The following FZD3 variants were observed in gnomAD, a reference collection of about 807,000 sequenced individuals.
The protein encoded by FZD3 is frizzled-3.
FZD3 carries 30 observed loss-of-function variants against 60.7 expected under a neutral mutation model. That is an observed-to-expected ratio of 0.49 (90% CI 0.37 to 0.67). FZD3 has a LOEUF of 0.67. Ranked by LOEUF, FZD3 falls within the 30% of genes least tolerant of loss-of-function variation. FZD3 has a pLI of 0.00. For missense variants in FZD3, 605 were observed against 838.7 expected (o/e 0.72, Z 3.44); for synonymous variants, 246 against 275.2 (o/e 0.89, Z 1.05).
chr8:28,558,651 C>T (rs969066918), intron 7 of FZD3, among the ~76,000 whole-genome samples: 4 of 152,030 alleles, frequency 2.6e-5, no homozygotes, highest in Non-Finnish European at 4.4e-5. Context: ...AAGCTGGTCT[C>T]GAACTCCTGG....
chr8:28,514,653 G>A (rs771859093), intron 3 of FZD3, among the ~76,000 whole-genome samples: 12 of 152,050 alleles, frequency 7.9e-5, no homozygotes, highest in Non-Finnish European at 1.3e-4. Flanking sequence ...ACTTCTTTAG[G>A]TCTGGTTTCT....
chr8:28,551,230 A>T (rs1805404594), intron 5 of FZD3, among the ~76,000 whole-genome samples: 1 of 152,206 alleles, frequency 6.6e-6, no homozygotes, highest in Non-Finnish European at 1.5e-5. Context: ...ATTTTACTCT[A>T]TTTTATTTAA....
rs576072524 is a variant in FZD3 at position 28,523,383 on chromosome 8, G to A, written c.386+2549G>A. On this transcript the variant is annotated intron_variant, in intron 4 of 7. Coordinates refer to ENST00000240093, the MANE Select transcript of FZD3 (RefSeq NM_017412.4). ...GCAAGAGGGGCAAGCTCACTCTGCA[G>A]CCTCTTTTATAGGGACATTAATCCT... Among the ~76,000 whole-genome samples the A allele has an allele frequency of 4.7e-4, 71 of 152,186 alleles. 1 individual carries two copies. Among genetic ancestry groups the A allele is most frequent in the African/African-American group, 1.4e-3 (59 of 41,532 alleles).
chr8:28,540,160 A>G (rs1042549149), intron 5 of FZD3, among the ~76,000 whole-genome samples: 1 of 152,224 alleles, frequency 6.6e-6, no homozygotes, highest in African/African-American at 2.4e-5. Flanking sequence ...CCCAGGGCTT[A>G]CAGCAAGTAG....
In FZD3 at chr8:28,503,072, T is replaced by C. The variant is rs1297459557; in HGVS notation, c.59T>C (p.Ile20Thr). ...CCCTTGACTGTGTTCATGGGGCATA[T>C]AGGTGGGCACAGTTTGTTTTCTTGT... ...LWPLTVFMGHIGGHSLFSCEP... is the reference protein window; with the variant it reads ...LWPLTVFMGHTGGHSLFSCEP... The change falls in exon 3 of 8, where the codon ATA (isoleucine) becomes ACA (threonine). Residue 20 changes from isoleucine to threonine, a missense_variant. By Grantham distance (89) the Ile-to-Thr change is moderately conservative. Coordinates refer to ENST00000240093, the MANE Select transcript of FZD3 (RefSeq NM_017412.4). 1 of 1,613,762 alleles carries C rather than the reference T, an allele frequency of 6.2e-7. No individual in the cohort carries two copies. The highest frequency in any genetic ancestry group is 1.1e-5 in the South Asian group (1 of 91,076).
chr8:28,550,014 C>T (rs1467173829), intron 5 of FZD3, among the ~76,000 whole-genome samples: 1 of 152,040 alleles, frequency 6.6e-6, no homozygotes, highest in Admixed American at 6.5e-5. Context: ...TTGTTAAGTA[C>T]AATTTTATGC....
rs760868716 is a variant in FZD3, at chr8:28,563,097, A to G, written c.*86A>G. 3.5e-6 allele frequency: 3 copies of G among 849,926 alleles called. No homozygotes were observed. The highest frequency in any genetic ancestry group is 4.0e-6 in the Non-Finnish European group (2 of 493,874). The allele number at this position is 849,926 out of a possible 1,614,324, so 52.6% of individuals were successfully genotyped here. ...TTTGCATGACTGATAGCTGTAACTC[A>G]CAGTTAACATGCTTTCAGTCAAGTA... is the stretch of plus-strand genomic sequence containing the variant. On this transcript the variant is annotated 3_prime_UTR_variant, in exon 8 of 8. Coordinates refer to ENST00000240093, the MANE Select transcript of FZD3 (RefSeq NM_017412.4).
intron 7 of FZD3, among the ~76,000 whole-genome samples, 168 bp downstream of exon 7, chr8:28,556,139 TG>T (rs1160841882): frequency 6.6e-6 from 1 of 152,194 alleles, no homozygotes; most frequent in Non-Finnish European, 1.5e-5. Flanking sequence ...CAGTCAGAAT[TG>T]TTTAGATTTG....
At chr8:28,531,543 A>G (rs191012442) in intron 5 of FZD3, among the ~76,000 whole-genome samples, 3 of 152,280 alleles carry the variant, frequency 2.0e-5, no homozygotes, top group Admixed American at 2.0e-4. Context: ...AGCATGTTCA[A>G]CTTAAGTCGT....
In FZD3 at chr8:28,564,731, A is replaced by G. The variant is rs571811114; in HGVS notation, c.*1720A>G. The G allele has an allele frequency of 1.1e-4, 17 of 152,348 alleles. No homozygotes were observed. The highest frequency in any genetic ancestry group is 3.3e-4 in the Admixed American group (5 of 15,290). 9.4% of individuals were successfully genotyped at this position (152,348 alleles called of 1,614,324 possible). On this transcript the variant is annotated 3_prime_UTR_variant, in exon 8 of 8. Transcript: ENST00000240093. ...ACCGCAGGTGATTCTTACGGAGGTA[A>G]TCCAAGAATCATACTTTGAAGAATT...
intron 3 of FZD3, among the ~76,000 whole-genome samples, chr8:28,508,526 G>A (rs1804202428): frequency 1.3e-5 from 2 of 151,096 alleles, no homozygotes; most frequent in South Asian, 2.1e-4. Flanking sequence ...TTTGAGACAG[G>A]GCCTGGCTTT....
chr8:28,527,933 A>G lies in FZD3; in HGVS notation c.1173A>G (p.Leu391=), dbSNP rs754801930. 1 of 1,614,030 alleles carries G rather than the reference A, an allele frequency of 6.2e-7. No individual in the cohort carries two copies. Among genetic ancestry groups the G allele is most frequent in the East Asian group, 2.2e-5 (1 of 44,880 alleles). ...LYVVVGVSLL[L]AGIISLNRVR... Reference sequence around the variant, plus strand: ...TGGTAGTTGGGGTTTCTCTCCTCTTAGCTGGCATTATATCCCTAAACAGAG... The same window carrying G: ...TGGTAGTTGGGGTTTCTCTCCTCTTGGCTGGCATTATATCCCTAAACAGAG... The change falls in exon 5 of 8, where the codon TTA becomes TTG. Residue 391 remains leucine (L), a synonymous_variant. Coordinates refer to ENST00000240093, the MANE Select transcript of FZD3 (RefSeq NM_017412.4). The surrounding 1 kb of genome is among the most constrained non-coding windows in gnomAD (Gnocchi z 5.0).
chr8:28,522,989 C>T (rs537775163), intron 4 of FZD3, among the ~76,000 whole-genome samples: 2 of 152,044 alleles, frequency 1.3e-5, no homozygotes, highest in South Asian at 2.1e-4. Flanking sequence ...AGGCTGGTCT[C>T]GAACTCCTGA....
chr8:28,494,395 G>A (rs1398266919), intron 1 of FZD3, 52 bp downstream of exon 1: 3 of 152,364 alleles, frequency 2.0e-5, no homozygotes, highest in African/African-American at 7.2e-5. Context: ...GGGAGAAGGA[G>A]CGGCGAGTGT....
intron 5 of FZD3, among the ~76,000 whole-genome samples, chr8:28,548,251 G>T (rs1308765785): frequency 6.6e-6 from 1 of 151,608 alleles, no homozygotes; most frequent in African/African-American, 2.4e-5. Context: ...ACAACTTTAT[G>T]GTTTCTTTTT....
intron 3 of FZD3, among the ~76,000 whole-genome samples, chr8:28,511,519 A>C (rs1170947921): frequency 1.3e-5 from 2 of 152,172 alleles, no homozygotes; most frequent in Non-Finnish European, 2.9e-5. Context: ...AACAGTGCCA[A>C]TCCTTGCCTA....
At chr8:28,506,430 A>T (rs1804142545) in intron 3 of FZD3, among the ~76,000 whole-genome samples, 1 of 152,198 alleles carries the variant, frequency 6.6e-6, no homozygotes, top group Non-Finnish European at 1.5e-5. Flanking sequence ...AAGAATTTTG[A>T]AAAGTTAAAG....
chr8:28,520,235 A>AAAG (rs1804541472), intron 3 of FZD3, among the ~76,000 whole-genome samples: 1 of 150,538 alleles, frequency 6.6e-6, no homozygotes, highest in Non-Finnish European at 1.5e-5. Context: ...AAAAAAAAAA[A>AAAG]GGAAGAAAGA....
At chr8:28,549,999 A>T (rs978956350) in intron 5 of FZD3, among the ~76,000 whole-genome samples, 2 of 152,094 alleles carry the variant, frequency 1.3e-5, no homozygotes, top group African/African-American at 4.8e-5. Context: ...TTCTTTATGG[A>T]GGCTTTGTTA....
Sources: gnomAD v4.1 joint callset for allele counts (sites outside exome capture counted in the v4.1 genomes callset) on GRCh38, gnomAD v4.1.1 for gene constraint, Gnocchi (gnomAD v3.1) non-coding constraint, MANE v1.5 for transcripts, NCBI Gene and HGNC (gene_info 2026-07-23, HGNC 2026-07-21) for gene names.